Variants in MCFD2 observed in about 807,000 individuals in gnomAD.
MCFD2 encodes multiple coagulation factor deficiency protein 2.
Under a neutral mutation model 12.8 loss-of-function variants are expected in MCFD2, and 11 were observed. The observed-to-expected ratio is 0.86, with a 90% CI of 0.54 to 1.42. The LOEUF is 1.42. Among genes scored for constraint, MCFD2 ranks in the 40% most tolerant of loss-of-function variants. The pLI is 0.00. For missense variants in MCFD2, 191 were observed against 178.6 expected (o/e 1.07, Z -0.40); for synonymous variants, 70 against 68.1 (o/e 1.03, Z -0.14).
rs1670288412 is a variant in MCFD2, at chr2:46,941,033, T to C, written c.-8+539A>G. The C allele has an allele frequency of 6.7e-6, 1 of 149,222 alleles. No individual in the cohort carries two copies. Among genetic ancestry groups the C allele is most frequent in the Non-Finnish European group, 1.5e-5 (1 of 67,712 alleles). 9.2% of individuals were successfully genotyped at this position (149,222 alleles called of 1,614,324 possible). A position where few individuals can be genotyped will look rare whatever the true frequency, so the allele number is the denominator to read the frequency against. On this transcript the variant is annotated intron_variant, in intron 1 of 2. Coordinates refer to the MCFD2 transcript ENST00000409147. This position sits in a 1 kb window ranked among gnomAD's most constrained non-coding sequence, Gnocchi z 4.2. Reference sequence around the variant, plus strand: ...GCGCGGGATTAAAGTGAGCTCCGACTCCGCGGCGGGGGCGGCGGCGGGGGG... The same window carrying C: ...GCGCGGGATTAAAGTGAGCTCCGACCCCGCGGCGGGGGCGGCGGCGGGGGG...
At chr2:46,916,218 G>A, upstream of MCFD2, 1 of 952,462 alleles carries the variant, frequency 1.0e-6, no homozygotes, top group Non-Finnish European at 1.3e-6. Context: ...TGGGAAGAAA[G>A]ATAATAGGAA....
At chr2:46,919,156 C>T (rs1421636889), upstream of MCFD2, among the ~76,000 whole-genome samples, 1 of 152,188 alleles carries the variant, frequency 6.6e-6, no homozygotes, top group East Asian at 1.9e-4. Flanking sequence ...TCAATTTACA[C>T]CTTTTAGTAT....
chr2:46,917,938 A>C (rs1193646689), upstream of MCFD2, among the ~76,000 whole-genome samples: 1 of 152,180 alleles, frequency 6.6e-6, no homozygotes, highest in African/African-American at 2.4e-5. Flanking sequence ...TATAATTATC[A>C]AAGTGTCCAG....
chr2:46,929,447 A>G (rs542674361), intron 1 of MCFD2, among the ~76,000 whole-genome samples: 1 of 152,214 alleles, frequency 6.6e-6, no homozygotes, highest in South Asian at 2.1e-4. Flanking sequence ...TAGCGCAACT[A>G]CACTCCAGCC....
rs990173694 is a variant in MCFD2 at position 46,908,166 on chromosome 2, C to G, written c.150-197G>C. 10 of 638,546 alleles carry G rather than the reference C, an allele frequency of 1.6e-5. No homozygotes were observed. Among genetic ancestry groups the G allele is most frequent in the Admixed American group, 9.9e-5 (4 of 40,502 alleles). 39.6% of individuals were successfully genotyped at this position (638,546 alleles called of 1,614,324 possible). A position where few individuals can be genotyped will look rare whatever the true frequency, so the allele number is the denominator to read the frequency against. ...GAGCAGGAAAAGTCAAATAGACCAT[C>G]TGTTATGCTGGCAGGATTAGGGTAT... is the stretch of plus-strand genomic sequence containing the variant. On this transcript the variant is annotated intron_variant, in intron 2 of 3. Coordinates refer to ENST00000319466, the MANE Select transcript of MCFD2 (RefSeq NM_139279.6). This position sits in a 1 kb window ranked among gnomAD's most constrained non-coding sequence, Gnocchi z 4.5.
chr2:46,917,734 A>C (rs1277483140), upstream of MCFD2, among the ~76,000 whole-genome samples: 5 of 152,140 alleles, frequency 3.3e-5, no homozygotes, highest in African/African-American at 1.2e-4. Flanking sequence ...TGAAACTGCA[A>C]TCTCCATGCA....
chr2:46,926,271 T>C (rs2103821561), intron 1 of MCFD2, among the ~76,000 whole-genome samples: 1 of 152,344 alleles, frequency 6.6e-6, no homozygotes, highest in East Asian at 1.9e-4. Context: ...TTGGTTTAGT[T>C]CCACACACTG....
rs1479747901 is a variant in MCFD2, at chr2:46,908,242, T to C, written c.150-273A>G. On this transcript the variant is annotated intron_variant, in intron 2 of 3. Coordinates refer to ENST00000319466, the MANE Select transcript of MCFD2 (RefSeq NM_139279.6). The surrounding 1 kb of genome is among the most constrained non-coding windows in gnomAD (Gnocchi z 4.5). ...TGTTATAACATTTTCAGGCCATCAA[T>C]TTAAAAATATGTCCTTTAAAACTTT... The C allele has an allele frequency of 1.6e-5, 8 of 495,286 alleles. No individual in the cohort carries two copies. Among genetic ancestry groups the C allele is most frequent in the Non-Finnish European group, 2.9e-5 (8 of 274,456 alleles). The allele number at this position is 495,286 out of a possible 1,614,324, so 30.7% of individuals were successfully genotyped here.
In MCFD2 at chr2:46,909,142, G is replaced by C; in HGVS notation, c.30C>G (p.Pro10=). Residue 10 remains proline (P), a synonymous_variant, in exon 2 of 4, where the codon CCC becomes CCG. Coordinates refer to ENST00000319466, the MANE Select transcript of MCFD2 (RefSeq NM_139279.6). MTMRSLLRT[P]FLCGLLWAFC... ...AGGCCCAGAGCAGGCCACACAGGAA[G>C]GGGGTTCTGAGCAGGGATCTCATGG... 1 of 1,614,198 alleles carries C rather than the reference G, an allele frequency of 6.2e-7. No individual in the cohort carries two copies. The highest frequency in any genetic ancestry group is 8.5e-7 in the Non-Finnish European group (1 of 1,180,014).
Position 46,941,793 on chromosome 2 carries a change from G to T in MCFD2, c.-229C>A, listed in dbSNP as rs1670421263. 2.0e-6 allele frequency: 3 copies of T among 1,538,072 alleles called. No homozygotes were observed. Among genetic ancestry groups the T allele is most frequent in the East Asian group, 2.5e-5 (1 of 40,704 alleles). On this transcript the variant is annotated 5_prime_UTR_variant, in exon 1 of 3. Coordinates refer to the MCFD2 transcript ENST00000409147. The surrounding 1 kb of genome is among the most constrained non-coding windows in gnomAD (Gnocchi z 4.2). The stretch of plus-strand genomic sequence containing the variant: ...AAACGCACCGCCTCCTCCAGGAAGC[G>T]CGCCCAGACAGTCCTCGGCCGACAG...
intron 1 of MCFD2, among the ~76,000 whole-genome samples, chr2:46,911,896 G>A (rs1668502406): frequency 6.6e-6 from 1 of 152,068 alleles, no homozygotes; most frequent in Non-Finnish European, 1.5e-5. Context: ...CATTTTTTAT[G>A]AATATGTATT....
intron 1 of MCFD2, among the ~76,000 whole-genome samples, chr2:46,930,827 C>T (rs1258857269): frequency 6.6e-6 from 1 of 152,034 alleles, no homozygotes; most frequent in African/African-American, 2.4e-5. Flanking sequence ...TAAAGAAATC[C>T]AATCAGTAAT....
In MCFD2 at chr2:46,905,594, C is replaced by G; in HGVS notation, c.310G>C (p.Glu104Gln). The change falls in exon 4 of 4, where the codon GAA becomes CAA. Residue 104 changes from glutamate to glutamine, a missense_variant and splice_region_variant. Glu to Gln is a conservative substitution (Grantham distance 29, BLOSUM62 2). Transcript: ENST00000319466. ...STAITHVHKE[E>Q]GSEQAPLMSE... ...ATTAGTGGTGCCTGTTCACTCCCTT[C>G]CTACAAAATACAAATTAGACAATGA... The G allele has an allele frequency of 6.2e-7, 1 of 1,611,248 alleles. No individual in the cohort carries two copies. Among genetic ancestry groups the G allele is most frequent in the Non-Finnish European group, 8.5e-7 (1 of 1,178,370 alleles).
chr2:46,933,651 G>C (rs1669823726), intron 1 of MCFD2, among the ~76,000 whole-genome samples: 1 of 152,180 alleles, frequency 6.6e-6, no homozygotes. Flanking sequence ...AGTAAAAGTT[G>C]ATTTCCGAAT....
intron 1 of MCFD2, among the ~76,000 whole-genome samples, chr2:46,909,977 G>C (rs1361317288): frequency 6.6e-6 from 1 of 152,234 alleles, no homozygotes; most frequent in East Asian, 1.9e-4. Flanking sequence ...AGAGGCAGGA[G>C]CATGGTAGCC....
At position 46,941,188 on chromosome 2, in the gene MCFD2, C is replaced by A. The variant is rs6754439; in HGVS notation, c.-8+384G>T. 7,109 of 147,432 alleles carry A rather than the reference C, an allele frequency of 0.048. 277 individuals are homozygous for A. The highest frequency in any genetic ancestry group is 0.091 in the East Asian group (456 of 4,988). The allele number at this position is 147,432 out of a possible 1,614,324, so 9.1% of individuals were successfully genotyped here. A position where few individuals can be genotyped will look rare whatever the true frequency, so the allele number is the denominator to read the frequency against. Reference sequence around the variant, plus strand: ...GGTGGAGCCGCGGCCAGGGGCGGGTCCGCAGCTGGCGGCGCCGGGGCCCGG... The same window carrying A: ...GGTGGAGCCGCGGCCAGGGGCGGGTACGCAGCTGGCGGCGCCGGGGCCCGG... On this transcript the variant is annotated intron_variant, in intron 1 of 2. Transcript: ENST00000409147. This position sits in a 1 kb window ranked among gnomAD's most constrained non-coding sequence, Gnocchi z 4.2.
Position 46,905,474 on chromosome 2 carries a change from A to T in MCFD2, c.430T>A (p.Ser144Thr). 1 of 1,612,664 alleles carries T rather than the reference A, an allele frequency of 6.2e-7. No homozygotes were observed. The highest frequency in any genetic ancestry group is 8.5e-7 in the Non-Finnish European group (1 of 1,179,950). The change falls in exon 4 of 4, where the codon TCA becomes ACA. Residue 144 changes from serine (S) to threonine (T), a missense_variant. By Grantham distance (58) the Ser-to-Thr change is moderately conservative. Transcript: ENST00000319466. Reference sequence around the variant, plus strand: ...TGGCCAAATAACATCTACTGCAGTGATTTTGCAAATTCAGCATAGTCAATG... The same window carrying T: ...TGGCCAAATAACATCTACTGCAGTGTTTTTGCAAATTCAGCATAGTCAATG... ...GYIDYAEFAK[S>T]LQ is the part of the protein sequence containing the mutation.
chr2:46,936,383 C>CT (rs1669980848), intron 1 of MCFD2, among the ~76,000 whole-genome samples: 1 of 152,134 alleles, frequency 6.6e-6, no homozygotes, highest in Admixed American at 6.5e-5. Context: ...CTGATCAAAA[C>CT]TTTATGAGAA....
In MCFD2 at chr2:46,905,585, C is replaced by T; in HGVS notation, c.319G>A (p.Glu107Lys). ...ITHVHKEEGS[E>K]QAPLMSEDEL... ...TCTTCACTCATTAGTGGTGCCTGTT[C>T]ACTCCCTTCCTACAAAATACAAATT... is the stretch of plus-strand genomic sequence containing the variant. The change falls in exon 4 of 4, where the codon GAA becomes AAA. Residue 107 changes from glutamate to lysine, a missense_variant. Glu to Lys is a moderately conservative substitution (Grantham distance 56). Transcript: ENST00000319466. 6.2e-7 allele frequency: 1 copy of T among 1,611,960 alleles called. No homozygotes were observed.
Sources: allele counts gnomAD v4.1 joint callset (sites outside exome capture counted in the v4.1 genomes callset), GRCh38; gene constraint gnomAD v4.1.1; non-coding constraint Gnocchi (gnomAD v3.1); transcripts MANE v1.5; gene names NCBI Gene and HGNC (gene_info 2026-07-23, HGNC 2026-07-21).